CACNA1A: variants seen among roughly 807,000 people sequenced by gnomAD.
The protein encoded by CACNA1A is calcium voltage-gated channel subunit alpha1 A.
Under a neutral mutation model 262.4 loss-of-function variants are expected in CACNA1A, and 57 were observed. The ratio of observed to expected loss-of-function variants is 0.22; its 90% CI spans 0.18 to 0.27. CACNA1A has a LOEUF of 0.27. Ranked by LOEUF, CACNA1A falls within the 10% of genes least tolerant of loss-of-function variation. The pLI is 1.00. For missense variants in CACNA1A, 2,526 were observed against 3,562.8 expected (o/e 0.71, Z 7.41); for synonymous variants, 1,431 against 1,419.3 (o/e 1.01, Z -0.18).
In CACNA1A at chr19:13,467,293, A is replaced by G. The variant is rs530402792; in HGVS notation, c.294-12081T>C. 6.6e-5 allele frequency among the ~76,000 whole-genome samples: 10 copies of G among 152,102 alleles called. No homozygotes were observed. The South Asian group carries it at 1.9e-3, about 28-fold the overall frequency. On this transcript the variant is annotated intron_variant, in intron 1 of 46. Coordinates refer to ENST00000360228, the MANE Select transcript of CACNA1A (RefSeq NM_001127222.2). Reference sequence around the variant, plus strand: ...AAACCACACAAAACAACAAGCCCATATTCTTTTCATAATTAAAACCTTTTT... The same window carrying G: ...AAACCACACAAAACAACAAGCCCATGTTCTTTTCATAATTAAAACCTTTTT...
At chr19:13,217,875 G>A (rs2055071415) in intron 38 of CACNA1A, among the ~76,000 whole-genome samples, 1 of 150,594 alleles carries the variant, frequency 6.6e-6, no homozygotes, top group African/African-American at 2.4e-5. Context: ...TGTCCTGCCT[G>A]AAGAGTGTCT....
intron 22 of CACNA1A, chr19:13,277,350 G>A: frequency 2.1e-6 from 1 of 468,420 alleles, no homozygotes; most frequent in Non-Finnish European, 3.9e-6. Flanking sequence ...GCAGATGGCA[G>A]CAAATCCTAA....
intron 38 of CACNA1A, among the ~76,000 whole-genome samples, chr19:13,216,040 T>C (rs1173781025): frequency 6.6e-6 from 1 of 152,110 alleles, no homozygotes. Flanking sequence ...CACCTCAGCC[T>C]CCCAAAGTGC....
chr19:13,506,410 G>A lies in CACNA1A; in HGVS notation c.-186C>T. 4.8e-6 allele frequency: 2 copies of A among 419,924 alleles called. No homozygotes were observed. The highest frequency in any genetic ancestry group is 8.1e-6 in the Non-Finnish European group (2 of 248,242). The allele number at this position is 419,924 out of a possible 1,614,324, so 26.0% of individuals were successfully genotyped here. A position where few individuals can be genotyped will look rare whatever the true frequency, so the allele number is the denominator to read the frequency against. On this transcript the variant is annotated 5_prime_UTR_variant, in exon 1 of 47. Transcript: ENST00000360228. The stretch of plus-strand genomic sequence containing the variant: ...GGCGGCTCGGCGCCTCGGGTCGGGG[G>A]CTCAGAAGGCGGCTGCCCGGGCCGA...
In CACNA1A at chr19:13,209,378, G is replaced by A. The variant is rs1374160355; in HGVS notation, c.6460C>T (p.Arg2154Trp). Residue 2154 changes from arginine (R) to tryptophan (W), a missense_variant, in exon 45 of 47, where the codon CGG (arginine) becomes TGG (tryptophan). Around this residue, in one of 17 missense-constraint regions of CACNA1A, gnomAD observed 929 missense variants for 868.1 expected, o/e 1.07. Transcript: ENST00000360228. Reference sequence around the variant, plus strand: ...GCGCGGTGGCTGCGGTCGCGGCGCCGCTGGTGGTGCCGCTGGTTCTCCTCG... The same window carrying A: ...GCGCGGTGGCTGCGGTCGCGGCGCCACTGGTGGTGCCGCTGGTTCTCCTCG... Reference protein sequence around the residue: ...PPEENQRHHQRRRDRSHRASE... With the variant: ...PPEENQRHHQWRRDRSHRASE... The A allele has an allele frequency of 1.5e-5, 21 of 1,396,550 alleles. No individual in the cohort carries two copies. Among genetic ancestry groups the A allele is most frequent in the Middle Eastern group, 2.1e-4 (1 of 4,816 alleles). 86.5% of individuals were successfully genotyped at this position (1,396,550 alleles called of 1,614,324 possible).
chr19:13,479,474 T>C (rs964529828), intron 1 of CACNA1A, among the ~76,000 whole-genome samples: 4 of 127,506 alleles, frequency 3.1e-5, no homozygotes, highest in Non-Finnish European at 7.0e-5. Flanking sequence ...GTAAAGACAA[T>C]GGCAGGAGCT....
intron 3 of CACNA1A, among the ~76,000 whole-genome samples, chr19:13,440,643 C>G (rs1270642155): frequency 2.0e-5 from 3 of 152,152 alleles, no homozygotes; most frequent in African/African-American, 7.2e-5. Flanking sequence ...AATTATTATT[C>G]CCATTCCACA....
intron 3 of CACNA1A, among the ~76,000 whole-genome samples, chr19:13,428,615 C>T (rs191438343): frequency 8.5e-5 from 13 of 152,304 alleles, no homozygotes; most frequent in Admixed American, 5.2e-4. Context: ...CAGGTGGCAT[C>T]GTTCCATTTC....
intron 6 of CACNA1A, among the ~76,000 whole-genome samples, chr19:13,349,392 G>C (rs1452795503): frequency 2.0e-5 from 3 of 152,152 alleles, no homozygotes; most frequent in Non-Finnish European, 4.4e-5. Context: ...ACCCCATGAA[G>C]TGACCCCAAT....
intron 3 of CACNA1A, among the ~76,000 whole-genome samples, chr19:13,399,742 C>T (rs2059867755): frequency 6.6e-6 from 1 of 152,180 alleles, no homozygotes; most frequent in African/African-American, 2.4e-5. Context: ...CCCCACAAAG[C>T]CCAGGCTCTC....
intron 24 of CACNA1A, among the ~76,000 whole-genome samples, chr19:13,263,723 G>A (rs1330737730): frequency 6.6e-6 from 1 of 151,956 alleles, no homozygotes; most frequent in Non-Finnish European, 1.5e-5. Flanking sequence ...GCTTCACCAT[G>A]TTGGCCAGGC....
At chr19:13,314,915 G>A (rs1290083121) in intron 11 of CACNA1A, among the ~76,000 whole-genome samples, 6 of 152,158 alleles carry the variant, frequency 3.9e-5, no homozygotes, top group Non-Finnish European at 7.4e-5. Flanking sequence ...TGTAACATCT[G>A]ACACATTCCT....
intron 19 of CACNA1A, among the ~76,000 whole-genome samples, chr19:13,288,089 C>T (rs2057446550): frequency 6.6e-6 from 1 of 152,152 alleles, no homozygotes; most frequent in African/African-American, 2.4e-5. Flanking sequence ...AGGCGTAAAC[C>T]ACAATGCCCA....
Position 13,412,387 on chromosome 19 carries a change from T to C in CACNA1A, c.539+40489A>G, listed in dbSNP as rs146385866. On this transcript the variant is annotated intron_variant, in intron 3 of 46. Transcript: ENST00000360228. ...CAATTCCTTAGCATTGACAAGCATATGGTGATAATATAAGATACAAACAAC... is the reference window on the plus strand; with the variant it reads ...CAATTCCTTAGCATTGACAAGCATACGGTGATAATATAAGATACAAACAAC... Among the ~76,000 whole-genome samples the C allele has an allele frequency of 5.0e-4, 76 of 152,210 alleles. No individual in the cohort carries two copies. The East Asian group carries it at 9.5e-3, about 19-fold the overall frequency.
intron 34 of CACNA1A, among the ~76,000 whole-genome samples, chr19:13,232,727 T>G (rs2055711969): frequency 7.8e-6 from 1 of 127,920 alleles, no homozygotes; most frequent in South Asian, 2.5e-4. Context: ...AGGGAGATTC[T>G]GTCTCAAAAA....
chr19:13,362,023 C>CTCT (rs1488802894), intron 5 of CACNA1A: 50 of 115,862 alleles, frequency 4.3e-4, no homozygotes, highest in African/African-American at 1.4e-3. Context: ...TCCTCTCTCT[C>CTCT]TTTTTTTTTT....
intron 27 of CACNA1A, chr19:13,258,246 A>C (rs2056626540): frequency 6.6e-6 from 1 of 152,230 alleles, no homozygotes; most frequent in Admixed American, 6.6e-5. Context: ...ATTTAAAGAC[A>C]GGTTGTGGCA....
chr19:13,325,825 A>G (rs1344502618), intron 10 of CACNA1A, among the ~76,000 whole-genome samples: 1 of 152,334 alleles, frequency 6.6e-6, no homozygotes, highest in South Asian at 2.1e-4. Context: ...TATTTTGACC[A>G]TATGTATACA....
intron 6 of CACNA1A, among the ~76,000 whole-genome samples, chr19:13,355,898 C>T (rs962271440): frequency 6.6e-6 from 1 of 152,204 alleles, no homozygotes; most frequent in African/African-American, 2.4e-5. Context: ...CATCCTCCTT[C>T]TTCCCATCCA....
Sources: allele counts gnomAD v4.1 joint callset (sites outside exome capture counted in the v4.1 genomes callset), GRCh38; gene constraint gnomAD v4.1.1; regional missense constraint gnomAD v4.1.1; transcripts MANE v1.5; gene names NCBI Gene and HGNC (gene_info 2026-07-23, HGNC 2026-07-21).